Variants in DOCK5 observed in about 807,000 individuals in gnomAD.
The protein encoded by DOCK5 is dedicator of cytokinesis protein 5.
DOCK5 carries 142 observed loss-of-function variants against 251.8 expected under a neutral mutation model. The observed-to-expected ratio is 0.56, with a 90% confidence interval of 0.49 to 0.65. The LOEUF (loss-of-function observed/expected upper bound fraction) is 0.65. Among genes scored for constraint, DOCK5 ranks in the 30% least tolerant of loss-of-function variants. The pLI is 0.00. For missense variants in DOCK5, 2,111 were observed against 2,312.3 expected (o/e 0.91, Z 1.79); for synonymous variants, 842 against 835.5 (o/e 1.01, Z -0.13).
intron 40 of DOCK5, among the ~76,000 whole-genome samples, chr8:25,386,649 C>T (rs1408797911): frequency 6.6e-6 from 1 of 151,604 alleles, no homozygotes; most frequent in Non-Finnish European, 1.5e-5. Context: ...GCATCAGGGT[C>T]TAGTGTTAGC....
At chr8:25,189,403 C>T (rs963556464) in intron 1 of DOCK5, among the ~76,000 whole-genome samples, 2 of 151,966 alleles carry the variant, frequency 1.3e-5, no homozygotes, top group Admixed American at 6.6e-5. Flanking sequence ...TTCTGTAACC[C>T]AGGATAGAGT....
intron 1 of DOCK5, among the ~76,000 whole-genome samples, chr8:25,235,971 T>C (rs79527851): frequency 0.072 from 10,962 of 151,976 alleles, 1,013 homozygotes; most frequent in African/African-American, 0.22. Context: ...CTAATTTTTA[T>C]ATTTTTAGTA....
intron 1 of DOCK5, among the ~76,000 whole-genome samples, chr8:25,229,816 T>C (rs922291215): frequency 1.3e-5 from 2 of 152,194 alleles, no homozygotes; most frequent in African/African-American, 4.8e-5. Flanking sequence ...TGGTCATTTG[T>C]TTTTATTCCT....
rs1049182401 is a variant in DOCK5 at position 25,413,978 on chromosome 8, G to A, written c.*2680G>A. 6.6e-6 allele frequency: 1 copy of A among 151,980 alleles called. No individual in the cohort carries two copies. Among genetic ancestry groups the A allele is most frequent in the African/African-American group, 2.4e-5 (1 of 41,406 alleles). 9.4% of individuals were successfully genotyped at this position (151,980 alleles called of 1,614,324 possible). On this transcript the variant is annotated 3_prime_UTR_variant, in exon 52 of 52. Coordinates refer to ENST00000276440, the MANE Select transcript of DOCK5 (RefSeq NM_024940.8). ...TAAATATAAAGAGATAAGGAGCAAGGAGGAAAAAAGAGAAAGAATTGGTCT... is the reference window on the plus strand; with the variant it reads ...TAAATATAAAGAGATAAGGAGCAAGAAGGAAAAAAGAGAAAGAATTGGTCT...
chr8:25,310,607 C>T, intron 13 of DOCK5, 75 bp downstream of exon 13: 3 of 1,480,636 alleles, frequency 2.0e-6, no homozygotes, highest in Non-Finnish European at 2.7e-6. Flanking sequence ...GTGGAGGCAA[C>T]TTGGATCCAG....
At chr8:25,396,659 C>T (rs753460057) in intron 45 of DOCK5, among the ~76,000 whole-genome samples, 2 of 152,036 alleles carry the variant, frequency 1.3e-5, no homozygotes, top group Non-Finnish European at 2.9e-5. Flanking sequence ...TATAAATCAA[C>T]ATTTGTCAAG....
chr8:25,368,773 A>G (rs1276063727), intron 33 of DOCK5, 48 bp downstream of exon 33: 1 of 1,554,524 alleles, frequency 6.4e-7, no homozygotes, highest in South Asian at 1.2e-5. Flanking sequence ...CATATAGTCA[A>G]ATCATAACTC....
rs13267838 is a variant in DOCK5, at chr8:25,339,194, G to A, written c.2328-1683G>A. On this transcript the variant is annotated intron_variant, in intron 22 of 51. Transcript: ENST00000276440. The stretch of plus-strand genomic sequence containing the variant: ...GTCCCTGGGCCCCCTGTTGCCTTCC[G>A]CAGAGCTTAAATCTCTCTTATGAGC... Among the ~76,000 whole-genome samples the A allele has an allele frequency of 2.8e-3, 430 of 152,180 alleles. 3 individuals carry two copies. Among genetic ancestry groups the A allele is most frequent in the Middle Eastern group, 3.4e-3 (1 of 294 alleles).
chr8:25,348,656 G>T (rs879536692), intron 26 of DOCK5, among the ~76,000 whole-genome samples: 1 of 152,094 alleles, frequency 6.6e-6, no homozygotes, highest in Non-Finnish European at 1.5e-5. Flanking sequence ...TGACCAACAT[G>T]ATAAAACCCC....
At chr8:25,341,474 C>T (rs17053420) in intron 23 of DOCK5, among the ~76,000 whole-genome samples, 1,773 of 152,208 alleles carry the variant, frequency 0.012, 25 homozygotes, top group African/African-American at 0.04. Flanking sequence ...AGAATTTAAC[C>T]ACCTCCTTAG....
In DOCK5 at chr8:25,238,553, C is replaced by T. The variant is rs116305103; in HGVS notation, c.44-5121C>T. On this transcript the variant is annotated intron_variant, in intron 1 of 51. Coordinates refer to ENST00000276440, the MANE Select transcript of DOCK5 (RefSeq NM_024940.8). ...TCCTCTAAGCGGTGACTTTTCATTC[C>T]AGTGAAAGGCATTCTTGAAGGGATG... Among the ~76,000 whole-genome samples the T allele has an allele frequency of 3.2e-3, 480 of 152,276 alleles. 4 individuals are homozygous for T. The highest frequency in any genetic ancestry group is 0.011 in the African/African-American group (468 of 41,552).
At chr8:25,260,965 A>G (rs1208934135) in intron 2 of DOCK5, among the ~76,000 whole-genome samples, 1 of 151,578 alleles carries the variant, frequency 6.6e-6, no homozygotes, top group Non-Finnish European at 1.5e-5. Context: ...CTGGCTAGTT[A>G]TTTTATTTTT....
chr8:25,394,440 A>G (rs552310024), intron 44 of DOCK5, among the ~76,000 whole-genome samples: 1 of 152,234 alleles, frequency 6.6e-6, no homozygotes, highest in Admixed American at 6.5e-5. Flanking sequence ...TTTTCATTCA[A>G]AATTCAGCCT....
At chr8:25,296,176 C>T (rs1804610920) in intron 6 of DOCK5, among the ~76,000 whole-genome samples, 2 of 152,284 alleles carry the variant, frequency 1.3e-5, no homozygotes, top group South Asian at 4.1e-4. Context: ...CTATTTACTT[C>T]ATAGTTCCTC....
intron 35 of DOCK5, among the ~76,000 whole-genome samples, chr8:25,373,369 T>C (rs1800909107): frequency 6.6e-6 from 1 of 152,152 alleles, no homozygotes; most frequent in Non-Finnish European, 1.5e-5. Flanking sequence ...GTACCCAAAA[T>C]GTAGTCTTTT....
At chr8:25,341,023 G>T in intron 23 of DOCK5, 35 bp downstream of exon 23, 1 of 1,543,346 alleles carries the variant, frequency 6.5e-7, no homozygotes. Context: ...ACTCTTCTTA[G>T]GCTGTGGTAA....
At chr8:25,391,746 C>G (rs1586389627) in intron 42 of DOCK5, 150 bp from the exon 43 acceptor site, 2 of 526,410 alleles carry the variant, frequency 3.8e-6, no homozygotes, top group East Asian at 6.6e-5. Flanking sequence ...TACACTTTCT[C>G]AGGCCTTCAT....
intron 37 of DOCK5, 61 bp downstream of exon 37, chr8:25,374,715 T>A: frequency 6.2e-7 from 1 of 1,612,846 alleles, no homozygotes; most frequent in Non-Finnish European, 8.5e-7. Flanking sequence ...CAGACTAAAT[T>A]CTATACATTT....
chr8:25,282,949 C>T (rs1002193812), intron 5 of DOCK5, among the ~76,000 whole-genome samples: 1 of 146,596 alleles, frequency 6.8e-6, no homozygotes, highest in Non-Finnish European at 1.5e-5. Context: ...TTTTCAGTCT[C>T]AGTTCACCAG....
Sources: allele counts gnomAD v4.1 joint callset (sites outside exome capture counted in the v4.1 genomes callset), GRCh38; gene constraint gnomAD v4.1.1; transcripts MANE v1.5; gene names NCBI Gene and HGNC (gene_info 2026-07-23, HGNC 2026-07-21).